Variants in LRRTM4 observed in about 807,000 individuals in gnomAD.
LRRTM4 encodes leucine rich repeat transmembrane neuronal 4.
In LRRTM4, 25 loss-of-function variants were observed where a neutral mutation model predicts 47.6. The ratio of observed to expected loss-of-function variants is 0.53; its 90% CI spans 0.38 to 0.73. The LOEUF (loss-of-function observed/expected upper bound fraction) is 0.73, where lower values mean the gene tolerates loss of function less well. Ranked by LOEUF, LRRTM4 falls within the 30% of genes least tolerant of loss-of-function variation. The pLI is 0.00. For synonymous variants in LRRTM4, 311 were observed against 269.5 expected (o/e 1.15, Z -1.51); for missense variants, 638 against 713.4 (o/e 0.89, Z 1.20).
chr2:76,813,837 C>T (rs979709459), intron 3 of LRRTM4, among the ~76,000 whole-genome samples: 23 of 152,276 alleles, frequency 1.5e-4, no homozygotes, highest in Non-Finnish European at 2.6e-4. Context: ...CCCAATTTCA[C>T]GTATTCTTAC....
chr2:77,068,155 G>A (rs1461162609), intron 3 of LRRTM4, among the ~76,000 whole-genome samples: 3 of 151,944 alleles, frequency 2.0e-5, no homozygotes, highest in African/African-American at 7.3e-5. Flanking sequence ...AATCTATTAT[G>A]GAAATAAGAC....
intron 3 of LRRTM4, among the ~76,000 whole-genome samples, chr2:76,943,415 A>G (rs1462666052): frequency 1.3e-5 from 2 of 152,186 alleles, no homozygotes; most frequent in Non-Finnish European, 2.9e-5. Flanking sequence ...CCGCCTGGCA[A>G]CAAAGCAAAA....
intron 3 of LRRTM4, among the ~76,000 whole-genome samples, chr2:76,988,526 G>A (rs1676886729): frequency 6.6e-6 from 1 of 151,698 alleles, no homozygotes; most frequent in Non-Finnish European, 1.5e-5. Flanking sequence ...CTTACACTAT[G>A]CTGCAATTAC....
At chr2:77,109,249 C>T (rs888925432) in intron 3 of LRRTM4, among the ~76,000 whole-genome samples, 10 of 151,940 alleles carry the variant, frequency 6.6e-5, no homozygotes, top group African/African-American at 1.7e-4. Context: ...TTAGAACTAC[C>T]AGGGTAAGGA....
At chr2:77,011,930 G>A (rs1251887430) in intron 3 of LRRTM4, among the ~76,000 whole-genome samples, 1 of 151,982 alleles carries the variant, frequency 6.6e-6, no homozygotes, top group Non-Finnish European at 1.5e-5. Context: ...AAGAGAACTG[G>A]TGTAAGGTAA....
chr2:77,107,052 G>A (rs1447736337), intron 3 of LRRTM4, among the ~76,000 whole-genome samples: 1 of 152,016 alleles, frequency 6.6e-6, no homozygotes, highest in Admixed American at 6.6e-5. Flanking sequence ...TATTCATGAA[G>A]TACTGCATCA....
At chr2:76,807,487 C>T (rs544913687) in intron 3 of LRRTM4, among the ~76,000 whole-genome samples, 43 of 92,336 alleles carry the variant, frequency 4.7e-4, no homozygotes, top group Middle Eastern at 0.012. Flanking sequence ...TATATATATA[C>T]ATATATATAT....
At chr2:77,120,534 T>A (rs1159616420) in intron 3 of LRRTM4, among the ~76,000 whole-genome samples, 1 of 151,794 alleles carries the variant, frequency 6.6e-6, no homozygotes. Context: ...TTTTAAAGAA[T>A]TCAGAAATAA....
intron 3 of LRRTM4, chr2:76,987,566 T>G (rs1446867332): frequency 6.6e-6 from 1 of 151,938 alleles, no homozygotes; most frequent in Admixed American, 6.6e-5. Context: ...CTTACAATAA[T>G]CTAAGTAATG....
At chr2:77,329,831 T>A (rs960895769) in intron 3 of LRRTM4, among the ~76,000 whole-genome samples, 3 of 152,130 alleles carry the variant, frequency 2.0e-5, no homozygotes, top group Non-Finnish European at 4.4e-5. Context: ...GTTTTGGGTC[T>A]TGAAAGAGGT....
intron 3 of LRRTM4, among the ~76,000 whole-genome samples, chr2:77,472,814 G>A (rs1950162): frequency 0.077 from 11,683 of 152,152 alleles, 670 homozygotes; most frequent in Admixed American, 0.17. Context: ...TGAAGGTGAA[G>A]TTGGTAGATA....
intron 3 of LRRTM4, among the ~76,000 whole-genome samples, chr2:77,445,446 T>A (rs1676014920): frequency 6.6e-6 from 1 of 151,972 alleles, no homozygotes; most frequent in African/African-American, 2.4e-5. Context: ...CAGCATATTT[T>A]GTTATTTCTC....
Position 77,261,772 on chromosome 2 carries a change from T to C in LRRTM4, c.1551+256546A>G. On this transcript the variant is annotated intron_variant, in intron 3 of 3. Coordinates refer to ENST00000409884, the MANE Select transcript of LRRTM4 (RefSeq NM_001134745.3). ...ACAACAACAATAAAATACAGTTCCC[T>C]GTATACACATTTTTAACTTAAAATT... 1.3e-5 allele frequency among the ~76,000 whole-genome samples: 2 copies of C among 152,108 alleles called. 1 individual carries two copies. The highest frequency in any genetic ancestry group is 2.9e-5 in the Non-Finnish European group (2 of 68,014).
At chr2:77,321,685 C>A (rs762739007) in intron 3 of LRRTM4, among the ~76,000 whole-genome samples, 2 of 152,026 alleles carry the variant, frequency 1.3e-5, no homozygotes, top group African/African-American at 4.8e-5. Context: ...TATTTTTAAC[C>A]ATGCCAAATT....
At chr2:77,270,174 T>C (rs1185737414) in intron 3 of LRRTM4, among the ~76,000 whole-genome samples, 2 of 152,218 alleles carry the variant, frequency 1.3e-5, no homozygotes, top group African/African-American at 2.4e-5. Flanking sequence ...TAATAAGTTA[T>C]GTATTTGGGT....
At chr2:77,304,294 T>C (rs936055844) in intron 3 of LRRTM4, among the ~76,000 whole-genome samples, 2 of 143,670 alleles carry the variant, frequency 1.4e-5, no homozygotes, top group Non-Finnish European at 2.9e-5. Flanking sequence ...AAAATCAGGT[T>C]ATTTGACTTC....
In LRRTM4 at chr2:77,098,756, A is replaced by T. The variant is rs1670875311; in HGVS notation, c.1552-349840T>A. ...TAACACATATTACTCACAAAAGATT[A>T]GTTTCCAGAATATGTCAAGACTACA... On this transcript the variant is annotated intron_variant, in intron 3 of 3. Transcript: ENST00000409884. Among the ~76,000 whole-genome samples, 3 of 152,024 alleles carry T rather than the reference A, an allele frequency of 2.0e-5. No homozygotes were observed. In the South Asian group the frequency reaches 6.2e-4, roughly 31 times the overall value.
chr2:77,440,031 TG>T (rs372185520), intron 3 of LRRTM4, among the ~76,000 whole-genome samples: 28 of 152,198 alleles, frequency 1.8e-4, no homozygotes, highest in African/African-American at 6.8e-4. Flanking sequence ...AATGTTATTC[TG>T]CAGGACAGTA....
chr2:76,761,242 G>T (rs1190848535), intron 3 of LRRTM4, among the ~76,000 whole-genome samples: 1 of 152,182 alleles, frequency 6.6e-6, no homozygotes, highest in Admixed American at 6.5e-5. Flanking sequence ...ACCACCAAAT[G>T]CGGTGCACAC....
Sources: gnomAD v4.1 joint callset for allele counts (sites outside exome capture counted in the v4.1 genomes callset) on GRCh38, gnomAD v4.1.1 for gene constraint, MANE v1.5 for transcripts, NCBI Gene and HGNC (gene_info 2026-07-23, HGNC 2026-07-21) for gene names.